The following EPB41 variants were observed in gnomAD, a reference collection of about 807,000 sequenced individuals.
EPB41 encodes protein 4.1.
EPB41 carries 65 observed loss-of-function variants against 108.0 expected under a neutral mutation model. The ratio of observed to expected loss-of-function variants is 0.60; its 90% CI spans 0.49 to 0.74. The LOEUF is 0.74. EPB41 is among the 30% of genes least tolerant of loss of function. The pLI, the probability that EPB41 is intolerant of heterozygous loss-of-function variation, is 0.00. For missense variants in EPB41, 875 were observed against 1,037.0 expected, an observed-to-expected ratio of 0.84 and a Z score of 2.15; for synonymous variants, 336 against 358.9, an observed-to-expected ratio of 0.94 and a Z score of 0.72.
At chr1:29,082,225 A>G (rs953343070) in intron 16 of EPB41, among the ~76,000 whole-genome samples, 1 of 152,128 alleles carries the variant, frequency 6.6e-6, no homozygotes. Flanking sequence ...CCCGAGTTCA[A>G]GCTGTTCTTG....
chr1:28,917,788 C>G (rs1405724592), intron 1 of EPB41, among the ~76,000 whole-genome samples: 1 of 151,166 alleles, frequency 6.6e-6, no homozygotes, highest in African/African-American at 2.4e-5. Flanking sequence ...CTATTGTTTC[C>G]CAGGCTGGTC....
At position 29,065,118 on chromosome 1, in the gene EPB41, G is replaced by A; in HGVS notation, c.2144G>A (p.Arg715Gln). The A allele has an allele frequency of 3.7e-6, 6 of 1,612,358 alleles. No homozygotes were observed. Among genetic ancestry groups the A allele is most frequent in the Non-Finnish European group, 1.7e-6 (2 of 1,178,728 alleles). ...CGCTTATCCACTCACTCACCCTTCC[G>A]AACTCTTAACATCAATGGGCAAATC... ...DKRLSTHSPF[R>Q]TLNINGQIPT... Residue 715 changes from arginine to glutamine, a missense_variant, in exon 16 of 21, where the codon CGA (arginine) becomes CAA (glutamine). Arg to Gln is a conservative substitution (Grantham distance 43, BLOSUM62 1). Coordinates refer to ENST00000343067, the MANE Select transcript of EPB41 (RefSeq NM_001376013.1).
At chr1:29,061,076 GA>G (rs1419776389) in intron 15 of EPB41, among the ~76,000 whole-genome samples, 7 of 152,042 alleles carry the variant, frequency 4.6e-5, no homozygotes, top group African/African-American at 1.7e-4. Flanking sequence ...TGACAAAATT[GA>G]ACCTCAAAGA....
intron 16 of EPB41, among the ~76,000 whole-genome samples, chr1:29,085,885 C>A (rs1332928085): frequency 6.6e-6 from 1 of 152,112 alleles, no homozygotes; most frequent in Non-Finnish European, 1.5e-5. Context: ...AACTAAATTA[C>A]CAAGGTTTAA....
At chr1:28,889,054 C>A (rs918238150) in intron 1 of EPB41, among the ~76,000 whole-genome samples, 2 of 152,202 alleles carry the variant, frequency 1.3e-5, no homozygotes, top group Non-Finnish European at 2.9e-5. Flanking sequence ...CCAGTAGGCT[C>A]TGCACACAGC....
chr1:29,019,023 C>T (rs2096610471), intron 7 of EPB41, among the ~76,000 whole-genome samples: 1 of 152,092 alleles, frequency 6.6e-6, no homozygotes, highest in African/African-American at 2.4e-5. Flanking sequence ...ACCTTGTGAC[C>T]TTAGGTCTTT....
At chr1:29,047,059 T>G (rs1643432047) in intron 11 of EPB41, among the ~76,000 whole-genome samples, 1 of 152,132 alleles carries the variant, frequency 6.6e-6, no homozygotes, top group South Asian at 2.1e-4. Context: ...GAAGAGTTTG[T>G]TAAAGACTGT....
chr1:29,073,745 G>A (rs1652596396), intron 16 of EPB41, among the ~76,000 whole-genome samples: 1 of 152,130 alleles, frequency 6.6e-6, no homozygotes, highest in African/African-American at 2.4e-5. Context: ...GAAGGGAATT[G>A]TTTGCATGGG....
chr1:28,895,885 C>T (rs1476145103), intron 1 of EPB41, among the ~76,000 whole-genome samples: 4 of 152,162 alleles, frequency 2.6e-5, no homozygotes, highest in Admixed American at 6.5e-5. Flanking sequence ...GACCAGTACA[C>T]GGCTGGTGGG....
At chr1:29,108,556 T>A (rs1218664272) in intron 17 of EPB41, among the ~76,000 whole-genome samples, 1 of 151,874 alleles carries the variant, frequency 6.6e-6, no homozygotes, top group Non-Finnish European at 1.5e-5. Flanking sequence ...TATTTTATTT[T>A]ATTTTATTTA....
intron 1 of EPB41, among the ~76,000 whole-genome samples, chr1:28,894,511 A>G (rs1263951482): frequency 6.6e-6 from 1 of 152,156 alleles, no homozygotes; most frequent in East Asian, 1.9e-4. Context: ...GCCAAGTACC[A>G]AGCATGTATC....
chr1:29,039,383 C>T lies in EPB41; in HGVS notation c.1593C>T (p.Phe531=), dbSNP rs779972883. ...TAATTGACAGGCCTGCCCCACACTT[C>T]GAGCGTACAGCAAGTAAACGGGCGT... ...SALIDRPAPH[F]ERTASKRASR... is the part of the protein sequence containing the mutation. The change falls in exon 11 of 21, where the codon TTC becomes TTT. Residue 531 remains phenylalanine, a synonymous_variant. Coordinates refer to ENST00000343067, the MANE Select transcript of EPB41 (RefSeq NM_001376013.1). 25 of 1,613,990 alleles carry T rather than the reference C, an allele frequency of 1.5e-5. No homozygotes were observed. The highest frequency in any genetic ancestry group is 1.0e-4 in the Admixed American group (6 of 59,992).
In EPB41 at chr1:29,115,626, A is replaced by G. The variant is rs1670679246; in HGVS notation, c.2497-73A>G. 2 of 1,279,272 alleles carry G rather than the reference A, an allele frequency of 1.6e-6. No homozygotes were observed. Among genetic ancestry groups the G allele is most frequent in the Non-Finnish European group, 2.3e-6 (2 of 884,110 alleles). 79.2% of individuals were successfully genotyped at this position (1,279,272 alleles called of 1,614,324 possible). ...TATTGGATCTGTCAGAACATCAGAG[A>G]AATGATGACCACTGCCTTCCTTCGC... On this transcript the variant is annotated intron_variant, in intron 19 of 20. Transcript: ENST00000343067. The surrounding 1 kb of genome is among the most constrained non-coding windows in gnomAD (Gnocchi z 4.4).
chr1:28,934,792 TTCTCCAAGGAGTCCCCATTCCTTTTA>T (rs919284449), intron 1 of EPB41, among the ~76,000 whole-genome samples: 3 of 151,582 alleles, frequency 2.0e-5, no homozygotes, highest in African/African-American at 7.3e-5. Flanking sequence ...AATCAGTCAT[TTCTCCAAGGAGTCCCCATTCCTTTTA>T]TTGGATAATG....
chr1:28,927,575 T>C (rs145039038), intron 1 of EPB41, among the ~76,000 whole-genome samples: 1 of 152,334 alleles, frequency 6.6e-6, no homozygotes, highest in East Asian at 1.9e-4. Flanking sequence ...CTGTGTATGC[T>C]AATTAATTTA....
intron 6 of EPB41, 91 bp downstream of exon 6, chr1:29,015,858 C>T (rs1475545591): frequency 4.5e-6 from 4 of 888,562 alleles, no homozygotes; most frequent in Admixed American, 2.0e-5. Flanking sequence ...CTGCTAATTC[C>T]GTATTCAGAA....
At chr1:28,896,482 G>A (rs1205000728) in intron 1 of EPB41, among the ~76,000 whole-genome samples, 1 of 152,212 alleles carries the variant, frequency 6.6e-6, no homozygotes, top group Non-Finnish European at 1.5e-5. Context: ...AGATGAATCT[G>A]TGTAGTCCTT....
intron 15 of EPB41, among the ~76,000 whole-genome samples, chr1:29,062,066 C>T (rs1056328963): frequency 6.6e-6 from 1 of 152,190 alleles, no homozygotes; most frequent in Non-Finnish European, 1.5e-5. Context: ...AAGTGCTTTA[C>T]ATATCTTTGT....
At chr1:29,108,485 C>T (rs1434037901) in intron 17 of EPB41, among the ~76,000 whole-genome samples, 1 of 151,872 alleles carries the variant, frequency 6.6e-6, no homozygotes, top group African/African-American at 2.4e-5. Context: ...GTCACTGACT[C>T]AGTGCTAAGG....
Sources: allele counts gnomAD v4.1 joint callset (sites outside exome capture counted in the v4.1 genomes callset), GRCh38; gene constraint gnomAD v4.1.1; non-coding constraint Gnocchi (gnomAD v3.1); transcripts MANE v1.5; gene names NCBI Gene and HGNC (gene_info 2026-07-23, HGNC 2026-07-21).